DGKB: variants seen among roughly 807,000 people sequenced by gnomAD.
DGKB encodes the protein 90 kDa diacylglycerol kinase.
In DGKB, 67 loss-of-function variants were observed where a neutral mutation model predicts 114.3. The ratio of observed to expected loss-of-function variants is 0.59; its 90% CI spans 0.48 to 0.72. The LOEUF is 0.72. Ranked by LOEUF, DGKB falls within the 30% of genes least tolerant of loss-of-function variation. The pLI is 0.00. For missense variants in DGKB, 907 were observed against 975.2 expected, an observed-to-expected ratio of 0.93 and a Z score of 0.93; for synonymous variants, 398 against 323.1, an observed-to-expected ratio of 1.23 and a Z score of -2.49.
At chr7:14,680,487 A>G (rs578031543) in intron 12 of DGKB, among the ~76,000 whole-genome samples, 43 of 152,128 alleles carry the variant, frequency 2.8e-4, no homozygotes, top group Non-Finnish European at 5.7e-4. Context: ...ATCAAGACCA[A>G]AGAAAAATGA....
chr7:14,206,960 C>A (rs762970845), intron 23 of DGKB, among the ~76,000 whole-genome samples: 1 of 151,454 alleles, frequency 6.6e-6, no homozygotes, highest in Non-Finnish European at 1.5e-5. Context: ...TGAAGAAAAC[C>A]TAAGTATTAG....
At chr7:14,465,596 G>A (rs1833713836) in intron 21 of DGKB, among the ~76,000 whole-genome samples, 1 of 152,144 alleles carries the variant, frequency 6.6e-6, no homozygotes, top group East Asian at 1.9e-4. Context: ...TTGCAACACA[G>A]CCCCCAGGTT....
intron 20 of DGKB, among the ~76,000 whole-genome samples, chr7:14,492,527 C>G (rs1021626128): frequency 1.2e-4 from 18 of 151,976 alleles, no homozygotes; most frequent in Non-Finnish European, 2.5e-4. Context: ...AAAGAAAATA[C>G]AATTGACACA....
At chr7:14,852,487 C>CAAAAAAAAAAACAAAAAAAAAA in intron 1 of DGKB, among the ~76,000 whole-genome samples, 1 of 63,636 alleles carries the variant, frequency 1.6e-5, no homozygotes, top group Non-Finnish European at 3.0e-5. Flanking sequence ...TAGTGAAAGT[C>CAAAAAAAAAAACAAAAAAAAAA]AAAAAAAAAA....
chr7:14,439,824 C>A (rs1829813162), intron 21 of DGKB, among the ~76,000 whole-genome samples: 1 of 144,198 alleles, frequency 6.9e-6, no homozygotes, highest in African/African-American at 2.6e-5. Flanking sequence ...GAGATCATGC[C>A]ACTGCACTCC....
chr7:14,313,646 C>G (rs1297605237), intron 23 of DGKB, among the ~76,000 whole-genome samples: 1 of 152,128 alleles, frequency 6.6e-6, no homozygotes, highest in African/African-American at 2.4e-5. Flanking sequence ...CACGGAGTCT[C>G]GCTGATTGCT....
chr7:14,946,524 TCCTA>T, intron 1 of DGKB, among the ~76,000 whole-genome samples: 1 of 151,898 alleles, frequency 6.6e-6, no homozygotes, highest in Admixed American at 6.6e-5. Context: ...AGATATTTAA[TCCTA>T]CCTTTTAAGA....
intron 2 of DGKB, among the ~76,000 whole-genome samples, chr7:14,835,457 A>G (rs1465171465): frequency 1.3e-5 from 2 of 152,146 alleles, no homozygotes; most frequent in Admixed American, 6.6e-5. Context: ...TCTGACATCA[A>G]ATTATGTGTT....
At chr7:14,723,561 G>GTA (rs914934756) in intron 5 of DGKB, among the ~76,000 whole-genome samples, 9 of 149,180 alleles carry the variant, frequency 6.0e-5, no homozygotes, top group Non-Finnish European at 2.9e-5. Flanking sequence ...GTGTGTGTGT[G>GTA]TATATATATG....
At chr7:14,641,983 A>G (rs1362586308) in intron 13 of DGKB, among the ~76,000 whole-genome samples, 2 of 152,022 alleles carry the variant, frequency 1.3e-5, no homozygotes, top group Admixed American at 6.5e-5. Context: ...TAAGAGAACA[A>G]TTTAGTTTTT....
At chr7:14,630,350 A>G (rs1809460290) in intron 13 of DGKB, 82 bp from the exon 14 acceptor site, 1 of 946,212 alleles carries the variant, frequency 1.1e-6, no homozygotes, top group Admixed American at 3.3e-5. Context: ...ATATCATTAC[A>G]TGCCTGTGAA....
At chr7:14,162,479 A>C (rs1406084800) in intron 25 of DGKB, among the ~76,000 whole-genome samples, 1 of 152,166 alleles carries the variant, frequency 6.6e-6, no homozygotes, top group East Asian at 1.9e-4. Flanking sequence ...AAGGTATTAC[A>C]TATCTGGCAT....
In DGKB at chr7:14,845,631, G is replaced by C. The variant is rs1318868364; in HGVS notation, c.-187-4181C>G. On this transcript the variant is annotated intron_variant, in intron 1 of 25. Coordinates refer to ENST00000402815, the MANE Select transcript of DGKB (RefSeq NM_001350709.2). ...GAAGAGTGCTTGGTATATAGTCTCA[G>C]GTCAATGAATATTTCTTGAATGAAT... Among the ~76,000 whole-genome samples the C allele has an allele frequency of 2.4e-5, 3 of 124,204 alleles. No homozygotes were observed. The East Asian group carries it at 9.8e-4, about 41-fold the overall frequency. 81.5% of individuals were successfully genotyped at this position (124,204 alleles called of 152,430 possible).
At position 14,654,395 on chromosome 7, in the gene DGKB, T is replaced by C. The variant is rs78732390; in HGVS notation, c.1134+18534A>G. Among the ~76,000 whole-genome samples the C allele has an allele frequency of 5.4e-3, 817 of 152,018 alleles. 7 individuals are homozygous for C. Among genetic ancestry groups the C allele is most frequent in the African/African-American group, 0.019 (784 of 41,494 alleles). On this transcript the variant is annotated intron_variant, in intron 13 of 25. Transcript: ENST00000402815. Reference sequence around the variant, plus strand: ...CTGATGAAAAAAATTGAAGAGGGCATAAAAATCAAAAGACATGCCATGCTC... The same window carrying C: ...CTGATGAAAAAAATTGAAGAGGGCACAAAAATCAAAAGACATGCCATGCTC...
At chr7:14,617,080 T>A (rs1806678781) in intron 15 of DGKB, among the ~76,000 whole-genome samples, 1 of 151,722 alleles carries the variant, frequency 6.6e-6, no homozygotes, top group Admixed American at 6.6e-5. Flanking sequence ...CCCAGTTCAA[T>A]CACTTCTCTC....
chr7:14,349,279 C>T (rs546646953), intron 21 of DGKB, among the ~76,000 whole-genome samples: 16 of 152,014 alleles, frequency 1.1e-4, no homozygotes, highest in African/African-American at 2.2e-4. Context: ...AATGCATAGA[C>T]GAGAATACCA....
intron 13 of DGKB, among the ~76,000 whole-genome samples, chr7:14,660,542 A>G: frequency 6.6e-6 from 1 of 151,856 alleles, no homozygotes; most frequent in African/African-American, 2.4e-5. Flanking sequence ...GGTAGTTTGT[A>G]TTTCTGTGGG....
intron 20 of DGKB, among the ~76,000 whole-genome samples, chr7:14,495,201 A>C (rs914068104): frequency 6.6e-6 from 1 of 151,886 alleles, no homozygotes; most frequent in Non-Finnish European, 1.5e-5. Flanking sequence ...ATAAGTGAAC[A>C]CATAAGAATC....
chr7:14,734,698 G>A (rs919210771), intron 5 of DGKB, among the ~76,000 whole-genome samples: 2 of 152,020 alleles, frequency 1.3e-5, no homozygotes, highest in Non-Finnish European at 2.9e-5. Flanking sequence ...ATAATAATGG[G>A]TTATTTTTTG....
Sources: allele counts gnomAD v4.1 joint callset (sites outside exome capture counted in the v4.1 genomes callset), GRCh38; gene constraint gnomAD v4.1.1; transcripts MANE v1.5; gene names NCBI Gene and HGNC (gene_info 2026-07-23, HGNC 2026-07-21).